SYNPR: variants seen among roughly 807,000 people sequenced by gnomAD.
SYNPR encodes the protein synaptoporin.
SYNPR carries 23 observed loss-of-function variants against 32.9 expected under a neutral mutation model. The observed-to-expected ratio is 0.70, with a 90% CI of 0.50 to 0.99. The LOEUF (loss-of-function observed/expected upper bound fraction) is 0.99, where lower values mean the gene tolerates loss of function less well. SYNPR is among the 50% of genes least tolerant of loss of function. SYNPR has a pLI of 0.00. For missense variants in SYNPR, 318 were observed against 349.3 expected (o/e 0.91, Z 0.71); for synonymous variants, 146 against 135.9 (o/e 1.07, Z -0.52).
chr3:63,387,983 G>A (rs780916928), intron 2 of SYNPR, among the ~76,000 whole-genome samples: 4 of 152,170 alleles, frequency 2.6e-5, no homozygotes, highest in Non-Finnish European at 5.9e-5. Flanking sequence ...GCAGGCTGGG[G>A]CAGAGGAAGA....
rs9311867 is a variant in SYNPR, at chr3:63,284,163, T to G, written c.84+5421T>G. On this transcript the variant is annotated intron_variant, in intron 2 of 5. Coordinates refer to ENST00000478300, the MANE Select transcript of SYNPR (RefSeq NM_001130003.2). ...ATTTTGCCAGTTGACCTTTGGTCTC[T>G]TTTTTTCCCTTTTCTTCTAAAAAAT... is the stretch of plus-strand genomic sequence containing the variant. Among the ~76,000 whole-genome samples the G allele has an allele frequency of 2.0e-5, 3 of 152,098 alleles. No homozygotes were observed. In the East Asian group the frequency reaches 5.8e-4, roughly 29 times the overall value.
At chr3:63,462,702 G>C (rs540445169) in intron 2 of SYNPR, among the ~76,000 whole-genome samples, 22 of 152,242 alleles carry the variant, frequency 1.4e-4, no homozygotes, top group Admixed American at 2.6e-4. Context: ...TTGGAATGAT[G>C]ATATCCTCTT....
Position 63,615,604 on chromosome 3 carries a change from C to G in SYNPR, c.*123C>G, listed in dbSNP as rs1276004365. On this transcript the variant is annotated 3_prime_UTR_variant, in exon 6 of 6. Transcript: ENST00000478300. Reference sequence around the variant, plus strand: ...AGTATTGAATGTAAATCAGAGCTCTCTAGTCTTCATTAAGGCAGCAAGTCC... The same window carrying G: ...AGTATTGAATGTAAATCAGAGCTCTGTAGTCTTCATTAAGGCAGCAAGTCC... 7.5e-7 allele frequency: 1 copy of G among 1,329,368 alleles called. No homozygotes were observed. The highest frequency in any genetic ancestry group is 2.5e-5 in the East Asian group (1 of 40,226). 82.3% of individuals were successfully genotyped at this position (1,329,368 alleles called of 1,614,324 possible).
upstream of SYNPR, among the ~76,000 whole-genome samples, chr3:63,273,323 G>C (rs1462691841): frequency 1.3e-5 from 2 of 152,140 alleles, no homozygotes; most frequent in Non-Finnish European, 2.9e-5. Context: ...CCTTAGTTGA[G>C]ATTTTTAGTC....
chr3:63,253,938 C>T (rs1161227783), intron 2 of SYNPR, among the ~76,000 whole-genome samples: 1 of 152,122 alleles, frequency 6.6e-6, no homozygotes, highest in African/African-American at 2.4e-5. Context: ...CAATGATAGA[C>T]TGGATTAAGA....
At chr3:63,594,756 T>C (rs1559545852) in intron 4 of SYNPR, among the ~76,000 whole-genome samples, 1 of 152,168 alleles carries the variant, frequency 6.6e-6, no homozygotes, top group Admixed American at 6.6e-5. Flanking sequence ...AACACTATCA[T>C]CATTATCATC....
At chr3:63,225,551 G>T (rs530581708), upstream of SYNPR, among the ~76,000 whole-genome samples, 15 of 152,258 alleles carry the variant, frequency 9.9e-5, 1 homozygote, top group East Asian at 2.9e-3. Context: ...GCACTTTTAG[G>T]ATCAAAAACT....
chr3:63,550,341 GTATA>G (rs1301019143), intron 3 of SYNPR, among the ~76,000 whole-genome samples: 1 of 151,466 alleles, frequency 6.6e-6, no homozygotes, highest in Non-Finnish European at 1.5e-5. Context: ...ATACGTGTGT[GTATA>G]TATAGATACA....
chr3:63,499,340 G>A (rs920162038), intron 3 of SYNPR, among the ~76,000 whole-genome samples: 4 of 152,104 alleles, frequency 2.6e-5, no homozygotes, highest in Admixed American at 1.3e-4. Flanking sequence ...GTAAATCTGT[G>A]ATATTTATTA....
Position 63,601,508 on chromosome 3 carries a change from C to G in SYNPR, c.409-7617C>G, listed in dbSNP as rs74561757. ...CCTCACCTTCCTCCCACCCTCCACT[C>G]TCAAGTAGACCCTGGTTTCTGTTGT... On this transcript the variant is annotated intron_variant, in intron 4 of 5. Transcript: ENST00000478300. 2.0e-5 allele frequency among the ~76,000 whole-genome samples: 3 copies of G among 152,286 alleles called. No individual in the cohort carries two copies. In the East Asian group the frequency reaches 5.8e-4, roughly 29 times the overall value.
At chr3:63,233,216 A>C (rs2086178479) in intron 1 of SYNPR, among the ~76,000 whole-genome samples, 2 of 152,246 alleles carry the variant, frequency 1.3e-5, no homozygotes, top group Admixed American at 6.5e-5. Flanking sequence ...GTTAACAGAC[A>C]GCCCAGCAGA....
chr3:63,235,478 A>G (rs2086194087), intron 1 of SYNPR, among the ~76,000 whole-genome samples: 1 of 152,196 alleles, frequency 6.6e-6, no homozygotes, highest in Non-Finnish European at 1.5e-5. Context: ...GGGCTTACGA[A>G]TCTGCTGGAT....
intron 2 of SYNPR, among the ~76,000 whole-genome samples, chr3:63,466,147 A>G (rs1303992030): frequency 1.3e-5 from 2 of 152,156 alleles, no homozygotes; most frequent in Admixed American, 1.3e-4. Flanking sequence ...CTTATAAGTA[A>G]GAACATGCAG....
chr3:63,256,725 C>T (rs1383232157), intron 2 of SYNPR, among the ~76,000 whole-genome samples: 2 of 152,140 alleles, frequency 1.3e-5, no homozygotes, highest in African/African-American at 4.8e-5. Flanking sequence ...CAGAGAATGA[C>T]TTTGACGAGT....
At chr3:63,483,524 T>G (rs1701087084) in intron 3 of SYNPR, among the ~76,000 whole-genome samples, 1 of 152,196 alleles carries the variant, frequency 6.6e-6, no homozygotes, top group Non-Finnish European at 1.5e-5. Context: ...TGTCATTGGT[T>G]TGCAGAGGTC....
chr3:63,551,680 A>C (rs1702502226), intron 3 of SYNPR, among the ~76,000 whole-genome samples: 1 of 151,966 alleles, frequency 6.6e-6, no homozygotes, highest in East Asian at 1.9e-4. Context: ...CATCTGGGTA[A>C]TTCCTATTAT....
At chr3:63,587,093 T>C (rs529954827) in intron 4 of SYNPR, among the ~76,000 whole-genome samples, 5 of 151,918 alleles carry the variant, frequency 3.3e-5, no homozygotes, top group Non-Finnish European at 7.4e-5. Context: ...AACAGAGTGA[T>C]CCTATTTTCA....
chr3:63,228,296 A>G (rs73845841), upstream of SYNPR: 4 of 152,324 alleles, frequency 2.6e-5, no homozygotes, highest in East Asian at 5.8e-4. Context: ...TAAATGTAGT[A>G]TCAATTGGAT....
intron 4 of SYNPR, among the ~76,000 whole-genome samples, chr3:63,560,851 T>G (rs936189470): frequency 1.3e-5 from 2 of 152,162 alleles, no homozygotes; most frequent in African/African-American, 4.8e-5. Flanking sequence ...GGTCTCTCCC[T>G]CAAGACCTGG....
Sources: gnomAD v4.1 joint callset for allele counts (sites outside exome capture counted in the v4.1 genomes callset) on GRCh38, gnomAD v4.1.1 for gene constraint, MANE v1.5 for transcripts, NCBI Gene and HGNC (gene_info 2026-07-23, HGNC 2026-07-21) for gene names.